Variants in AK3 observed in about 807,000 individuals in gnomAD.
AK3 encodes adenylate kinase 3.
In AK3, 27 loss-of-function variants were observed where a neutral mutation model predicts 23.7. That is an observed-to-expected ratio of 1.14 (90% CI 0.84 to 1.57). The LOEUF (loss-of-function observed/expected upper bound fraction) is 1.57. Among genes scored for constraint, AK3 ranks in the 40% most tolerant of loss-of-function variants. The pLI is 0.00. For synonymous variants in AK3, 159 were observed against 116.0 expected, an observed-to-expected ratio of 1.37 and a Z score of -2.38; for missense variants, 406 against 285.6, an observed-to-expected ratio of 1.42 and a Z score of -3.04.
intron 1 of AK3, among the ~76,000 whole-genome samples, chr9:4,728,145 G>T (rs374881877): frequency 2.6e-5 from 4 of 152,146 alleles, no homozygotes; most frequent in Non-Finnish European, 4.4e-5. Flanking sequence ...ATGTAAAATA[G>T]AAATGGGAAG....
rs138858363 is a variant in AK3, at chr9:4,725,704, G to A, written c.152-3079C>T. 6.0e-3 allele frequency among the ~76,000 whole-genome samples: 909 copies of A among 152,286 alleles called. 12 individuals carry two copies. The highest frequency in any genetic ancestry group is 0.019 in the African/African-American group (794 of 41,546). ...GTAGCTGGTAAGGAATTTGTATCTA[G>A]AATATCTAAAGAACTCTTACAACTC... On this transcript the variant is annotated intron_variant, in intron 1 of 4. Transcript: ENST00000381809.
At chr9:4,739,157 C>T (rs1019971133) in intron 1 of AK3, among the ~76,000 whole-genome samples, 13 of 151,982 alleles carry the variant, frequency 8.6e-5, no homozygotes, top group South Asian at 4.2e-4. Context: ...TTCAGTATGT[C>T]GCATTAACAA....
intron 1 of AK3, among the ~76,000 whole-genome samples, chr9:4,730,438 A>G (rs1842127145): frequency 6.6e-6 from 1 of 152,198 alleles, no homozygotes; most frequent in Non-Finnish European, 1.5e-5. Context: ...CACTACTCAG[A>G]GATAATTATT....
chr9:4,723,286 C>G (rs1280852844), intron 1 of AK3, among the ~76,000 whole-genome samples: 1 of 152,016 alleles, frequency 6.6e-6, no homozygotes, highest in Non-Finnish European at 1.5e-5. Flanking sequence ...TATGAAATAG[C>G]TGAAATTATT....
intron 1 of AK3, among the ~76,000 whole-genome samples, chr9:4,740,330 A>T (rs553950657): frequency 6.6e-6 from 1 of 152,164 alleles, no homozygotes; most frequent in Non-Finnish European, 1.5e-5. Context: ...CATGAGAAAC[A>T]AAATATTTTA....
Position 4,718,443 on chromosome 9 carries a change from G to A in AK3, c.539C>T (p.Thr180Ile), listed in dbSNP as rs369685256. 3.1e-6 allele frequency: 5 copies of A among 1,612,770 alleles called. No homozygotes were observed. Among genetic ancestry groups the A allele is most frequent in the Admixed American group, 3.3e-5 (2 of 59,998 alleles). ...CTGGTAATATTCCAGGACTGGCTTTGTTTGGTCTTCATAAGCCTTTAGTCT... is the reference window on the plus strand; with the variant it reads ...CTGGTAATATTCCAGGACTGGCTTTATTTGGTCTTCATAAGCCTTTAGTCT... ...IKRLKAYEDQ[T>I]KPVLEYYQKK... The change falls in exon 4 of 5, where the codon ACA (threonine) becomes ATA (isoleucine). Residue 180 changes from threonine to isoleucine, a missense_variant. By Grantham distance (89) the Thr-to-Ile change is moderately conservative. Coordinates refer to ENST00000381809, the MANE Select transcript of AK3 (RefSeq NM_016282.4).
chr9:4,714,730 G>A (rs1165863924), intron 4 of AK3, among the ~76,000 whole-genome samples: 2 of 152,266 alleles, frequency 1.3e-5, no homozygotes, highest in Admixed American at 6.5e-5. Flanking sequence ...AAGAGTAAGG[G>A]CATCATGTTG....
intron 4 of AK3, among the ~76,000 whole-genome samples, chr9:4,714,035 T>C (rs1432805956): frequency 3.5e-4 from 5 of 14,254 alleles, no homozygotes; most frequent in Admixed American, 1.1e-3. Flanking sequence ...GCTACACATA[T>C]ACATCTACAC....
chr9:4,733,787 C>T (rs1842208852), intron 1 of AK3, among the ~76,000 whole-genome samples: 2 of 152,176 alleles, frequency 1.3e-5, no homozygotes, highest in African/African-American at 4.8e-5. Flanking sequence ...TGAAACCACA[C>T]CCCCAGCAAG....
In AK3 at chr9:4,711,458, G is replaced by C. The variant is rs1841559709; in HGVS notation, c.*1518C>G. ...TCCTATATTTCTTTTAAAAAACCTT[G>C]GTTCATCTTGAAAGATCGATGAATT... On this transcript the variant is annotated 3_prime_UTR_variant, in exon 5 of 5. Coordinates refer to ENST00000381809, the MANE Select transcript of AK3 (RefSeq NM_016282.4). 1 of 152,522 alleles carries C rather than the reference G, an allele frequency of 6.6e-6. No homozygotes were observed. The highest frequency in any genetic ancestry group is 2.4e-5 in the African/African-American group (1 of 41,418). The allele number at this position is 152,522 out of a possible 1,614,324, so 9.4% of individuals were successfully genotyped here.
chr9:4,727,939 G>C (rs770113908), intron 1 of AK3, among the ~76,000 whole-genome samples: 2 of 152,142 alleles, frequency 1.3e-5, no homozygotes, highest in Non-Finnish European at 2.9e-5. Flanking sequence ...AGGAGAGAGA[G>C]ACAAGGGAAT....
At chr9:4,722,706 G>A in intron 1 of AK3, 81 bp from the exon 2 acceptor site, 1 of 1,579,260 alleles carries the variant, frequency 6.3e-7, no homozygotes, top group African/African-American at 1.4e-5. Context: ...TTGCCTAAAG[G>A]GGAAGTCTGA....
At chr9:4,718,970 G>T (rs766604081) in intron 3 of AK3, among the ~76,000 whole-genome samples, 165 bp downstream of exon 3, 2 of 152,112 alleles carry the variant, frequency 1.3e-5, no homozygotes, top group Non-Finnish European at 2.9e-5. Flanking sequence ...GCAACCTTTC[G>T]CACCAAGCTC....
chr9:4,738,320 C>T (rs1842344475), intron 1 of AK3, among the ~76,000 whole-genome samples: 1 of 152,168 alleles, frequency 6.6e-6, no homozygotes, highest in Non-Finnish European at 1.5e-5. Context: ...CGCCCACCAC[C>T]ATGCCTGGCT....
At chr9:4,732,186 T>C (rs1188938266) in intron 1 of AK3, among the ~76,000 whole-genome samples, 1 of 152,174 alleles carries the variant, frequency 6.6e-6, no homozygotes, top group Non-Finnish European at 1.5e-5. Context: ...TGGGCTTAAG[T>C]GATCCTCCCA....
intron 1 of AK3, among the ~76,000 whole-genome samples, chr9:4,732,868 CTCTT>C (rs1244037605): frequency 2.7e-5 from 3 of 111,602 alleles, no homozygotes; most frequent in African/African-American, 8.5e-5. Context: ...CTCTCTCTCT[CTCTT>C]TTTTTTTTTT....
upstream of AK3, chr9:4,741,303 AC>A: frequency 1.6e-5 from 7 of 426,646 alleles, no homozygotes; most frequent in Non-Finnish European, 2.3e-5. Context: ...ACCCCGGCGC[AC>A]CCCCCGCCCC....
In AK3 at chr9:4,732,116, A is replaced by ATT. The variant is rs34529377; in HGVS notation, c.151+8819_151+8820dup. 7.0e-3 allele frequency among the ~76,000 whole-genome samples: 1,060 copies of ATT among 151,512 alleles called. 8 individuals carry two copies. Among genetic ancestry groups the ATT allele is most frequent in the African/African-American group, 0.024 (973 of 41,266 alleles). On this transcript the variant is annotated intron_variant, in intron 1 of 4. Transcript: ENST00000381809. ...AGGCACACACCACAATGCCTGGCTA[A>ATT]TTTTTTTTACTTTTTTGTAGAGAGG...
At chr9:4,719,674 A>G (rs927502393) in intron 2 of AK3, among the ~76,000 whole-genome samples, 2 of 152,150 alleles carry the variant, frequency 1.3e-5, no homozygotes, top group South Asian at 4.1e-4. Context: ...GCTGACCCTC[A>G]CCCAAATAAC....
Sources: gnomAD v4.1 joint callset for allele counts (sites outside exome capture counted in the v4.1 genomes callset) on GRCh38, gnomAD v4.1.1 for gene constraint, MANE v1.5 for transcripts, NCBI Gene and HGNC (gene_info 2026-07-23, HGNC 2026-07-21) for gene names.